Variants in RAD52 observed in about 807,000 individuals in gnomAD.
The protein encoded by RAD52 is DNA repair protein RAD52 homolog.
RAD52 carries 47 observed loss-of-function variants against 55.5 expected under a neutral mutation model. The ratio of observed to expected loss-of-function variants is 0.85; its 90% CI spans 0.67 to 1.08. RAD52 has a LOEUF of 1.08. RAD52 is among the 50% of genes least tolerant of loss of function. The pLI is 0.00. For synonymous variants in RAD52, 184 were observed against 198.9 expected (o/e 0.92, Z 0.63); for missense variants, 468 against 522.8 (o/e 0.90, Z 1.02).
In RAD52 at chr12:931,252, T is replaced by G; in HGVS notation, c.154A>C (p.Ile52Leu). The G allele has an allele frequency of 6.2e-7, 1 of 1,612,914 alleles. No homozygotes were observed. The highest frequency in any genetic ancestry group is 1.1e-5 in the South Asian group (1 of 90,978). Reference protein sequence around the residue: ...ALRQRLGPEYISSRMAGGGQK... With the variant: ...ALRQRLGPEYLSSRMAGGGQK... ...CCTCCGCCAGCCATGCGGCTACTTA[T>G]GTATTCTGGGCCCAGCCTCTGCCTC... The change falls in exon 3 of 12, where the codon ATA becomes CTA. Residue 52 changes from isoleucine (I) to leucine (L), a missense_variant. By Grantham distance (5) the Ile-to-Leu change is conservative. Transcript: ENST00000358495.
At chr12:925,695 CTG>C (rs1220092722) in intron 6 of RAD52, among the ~76,000 whole-genome samples, 170 bp from the exon 7 acceptor site, 2 of 152,118 alleles carry the variant, frequency 1.3e-5, no homozygotes, top group African/African-American at 2.4e-5. Flanking sequence ...TGTTCCTGCA[CTG>C]TGTTAGTTTC....
chr12:977,696 C>T (rs924284638), intron 1 of RAD52, among the ~76,000 whole-genome samples: 2 of 152,176 alleles, frequency 1.3e-5, no homozygotes, highest in African/African-American at 2.4e-5. Flanking sequence ...CAGACAATAG[C>T]GTGTGTTATC....
At chr12:949,940 G>C (rs950111503), upstream of RAD52, among the ~76,000 whole-genome samples, 2 of 152,162 alleles carry the variant, frequency 1.3e-5, no homozygotes, top group Admixed American at 6.5e-5. Context: ...AGCTTCCCTC[G>C]GTCCGCGGCC....
chr12:974,260 A>G (rs1958907583), intron 1 of RAD52: 1 of 152,256 alleles, frequency 6.6e-6, no homozygotes, highest in South Asian at 2.1e-4. Context: ...TGCTATGGAC[A>G]GCCTGATCTC....
chr12:973,804 T>TTTTTTA (rs1958901989), intron 1 of RAD52, among the ~76,000 whole-genome samples: 3 of 146,988 alleles, frequency 2.0e-5, no homozygotes, highest in African/African-American at 7.7e-5. Flanking sequence ...TTTTTTTTTT[T>TTTTTTA]AAGAAATGTG....
intron 1 of RAD52, among the ~76,000 whole-genome samples, chr12:935,256 T>C (rs1957551921): frequency 6.6e-6 from 1 of 152,048 alleles, no homozygotes; most frequent in Non-Finnish European, 1.5e-5. Context: ...ACAAGATAGC[T>C]GGAGGGAGGA....
At chr12:914,302 A>G in intron 10 of RAD52, 129 bp downstream of exon 10, 2 of 1,392,564 alleles carry the variant, frequency 1.4e-6, no homozygotes, top group Non-Finnish European at 1.9e-6. Context: ...GGAACTGGAC[A>G]TATGCTATCA....
intron 1 of RAD52, among the ~76,000 whole-genome samples, chr12:987,518 A>G (rs1173983162): frequency 7.1e-6 from 1 of 141,130 alleles, no homozygotes; most frequent in Non-Finnish European, 1.6e-5. Flanking sequence ...TCTTTATCTT[A>G]TTTTCTCTCA....
chr12:940,175 A>G (rs996737125), intron 1 of RAD52, among the ~76,000 whole-genome samples: 1 of 152,126 alleles, frequency 6.6e-6, no homozygotes, highest in African/African-American at 2.4e-5. Context: ...AAACACCAAC[A>G]AAGAATTCCG....
At chr12:947,702 C>T (rs1958320077) in intron 1 of RAD52, among the ~76,000 whole-genome samples, 1 of 151,348 alleles carries the variant, frequency 6.6e-6, no homozygotes, top group Admixed American at 6.6e-5. Context: ...GCATGGCCAA[C>T]ATGGTGAAAC....
At chr12:987,514 T>C (rs1959101630) in intron 1 of RAD52, among the ~76,000 whole-genome samples, 1 of 151,994 alleles carries the variant, frequency 6.6e-6, no homozygotes, top group Admixed American at 6.6e-5. Context: ...TAATTCTTTA[T>C]CTTATTTTCT....
chr12:916,101 A>G, intron 9 of RAD52: 1 of 1,110,150 alleles, frequency 9.0e-7, no homozygotes, highest in Non-Finnish European at 1.2e-6. Context: ...AGAAGATTTT[A>G]TCAAGGCCCA....
intron 9 of RAD52, among the ~76,000 whole-genome samples, chr12:915,172 A>T (rs1956290351): frequency 6.6e-6 from 1 of 152,114 alleles, no homozygotes; most frequent in Admixed American, 6.5e-5. Context: ...CCAAAATCTG[A>T]TGTGTGAAAT....
rs1957084728 is a variant in RAD52 at position 927,213 on chromosome 12, C to T, written c.399G>A (p.Lys133=). Reference sequence around the variant, plus strand: ...CCTTCTCCAAAGATAAAGCCTTGGACTTGAGGCCCTCACTAACACCATAAC... The same window carrying T: ...CCTTCTCCAAAGATAAAGCCTTGGATTTGAGGCCCTCACTAACACCATAAC... ...DVGYGVSEGL[K]SKALSLEKAR... Residue 133 remains lysine (K), a synonymous_variant, in exon 6 of 12, where the codon AAG becomes AAA. Transcript: ENST00000358495. 6.2e-7 allele frequency: 1 copy of T among 1,614,076 alleles called. No homozygotes were observed. Among genetic ancestry groups the T allele is most frequent in the Admixed American group, 1.7e-5 (1 of 59,998 alleles).
intron 1 of RAD52, chr12:949,360 G>A (rs1958438300): frequency 6.6e-6 from 1 of 152,232 alleles, no homozygotes; most frequent in African/African-American, 2.4e-5. Flanking sequence ...TGGGGTCCCG[G>A]CGCGTTGGTG....
chr12:972,928 T>C (rs2154121383), intron 1 of RAD52, among the ~76,000 whole-genome samples: 1 of 152,202 alleles, frequency 6.6e-6, no homozygotes, highest in Non-Finnish European at 1.5e-5. Context: ...TAGGACATTA[T>C]AGGCCATCCT....
intron 9 of RAD52, among the ~76,000 whole-genome samples, chr12:915,417 T>G (rs1487655920): frequency 6.6e-6 from 1 of 152,228 alleles, no homozygotes; most frequent in Non-Finnish European, 1.5e-5. Flanking sequence ...AAGCAAGTCC[T>G]CTGTGAATCT....
At chr12:917,859 A>C (rs959901720) in intron 7 of RAD52, among the ~76,000 whole-genome samples, 2 of 152,052 alleles carry the variant, frequency 1.3e-5, no homozygotes, top group Admixed American at 1.3e-4. Context: ...AGAATCACTT[A>C]AACCTGGGAG....
At chr12:937,427 CTT>C (rs1020961496) in intron 1 of RAD52, among the ~76,000 whole-genome samples, 1 of 147,420 alleles carries the variant, frequency 6.8e-6, no homozygotes, top group Admixed American at 6.8e-5. Flanking sequence ...ATCCCTTCAG[CTT>C]TTTTTTTTTT....
Sources: allele counts gnomAD v4.1 joint callset (sites outside exome capture counted in the v4.1 genomes callset), GRCh38; gene constraint gnomAD v4.1.1; transcripts MANE v1.5; gene names NCBI Gene and HGNC (gene_info 2026-07-23, HGNC 2026-07-21).